The following UBASH3B variants were observed in gnomAD, a reference collection of about 807,000 sequenced individuals.
UBASH3B encodes the protein ubiquitin-associated and SH3 domain-containing protein B.
UBASH3B carries 37 observed loss-of-function variants against 83.4 expected under a neutral mutation model. That is an observed-to-expected ratio of 0.44 (90% CI 0.34 to 0.58). UBASH3B has a LOEUF of 0.58. Among genes scored for constraint, UBASH3B ranks in the 20% least tolerant of loss-of-function variants. UBASH3B has a pLI of 0.01. For missense variants in UBASH3B, 657 were observed against 827.2 expected, an observed-to-expected ratio of 0.79 and a Z score of 2.52; for synonymous variants, 304 against 318.3, an observed-to-expected ratio of 0.96 and a Z score of 0.48.
intron 1 of UBASH3B, among the ~76,000 whole-genome samples, chr11:122,763,626 C>T (rs182890428): frequency 1.4e-3 from 206 of 152,254 alleles, no homozygotes; most frequent in African/African-American, 4.6e-3. Context: ...ATGTCCCCAG[C>T]AGGCTTGCTA....
intron 1 of UBASH3B, among the ~76,000 whole-genome samples, chr11:122,716,385 G>T (rs57117628): frequency 6.6e-6 from 1 of 152,210 alleles, no homozygotes; most frequent in African/African-American, 2.4e-5. Context: ...ATGTTGCCCA[G>T]GCTGGGTTAT....
chr11:122,742,771 T>A (rs955736677), intron 1 of UBASH3B, among the ~76,000 whole-genome samples: 4 of 152,244 alleles, frequency 2.6e-5, no homozygotes, highest in African/African-American at 9.6e-5. Context: ...AGGGAAAAAC[T>A]GAAGTTCCGG....
At chr11:122,718,684 C>G (rs1007429633) in intron 1 of UBASH3B, among the ~76,000 whole-genome samples, 3 of 151,774 alleles carry the variant, frequency 2.0e-5, no homozygotes, top group African/African-American at 7.3e-5. Context: ...ATTGGAGCCC[C>G]AAAAAAGGGA....
intron 10 of UBASH3B, among the ~76,000 whole-genome samples, chr11:122,799,444 G>A (rs56104809): frequency 0.12 from 18,450 of 149,122 alleles, 1,251 homozygotes; most frequent in Admixed American, 0.23. Flanking sequence ...CCAAGATTGC[G>A]CCATTGCACT....
rs910258953 is a variant in UBASH3B, at chr11:122,730,307, C to T, written c.162-45912C>T. Among the ~76,000 whole-genome samples, 7 of 152,208 alleles carry T rather than the reference C, an allele frequency of 4.6e-5. No homozygotes were observed. The East Asian group carries it at 5.8e-4, about 13-fold the overall frequency. On this transcript the variant is annotated intron_variant, in intron 1 of 13. Coordinates refer to ENST00000284273, the MANE Select transcript of UBASH3B (RefSeq NM_032873.5). The stretch of plus-strand genomic sequence containing the variant: ...GGGTGTGGGTGACATCACACGGGTC[C>T]TTGAACAATTGCACTCACATTGTGG...
At chr11:122,671,055 A>C (rs931278508) in intron 1 of UBASH3B, among the ~76,000 whole-genome samples, 44 of 151,934 alleles carry the variant, frequency 2.9e-4, no homozygotes, top group African/African-American at 1.0e-3. Context: ...GAGCCACCAC[A>C]CCCTGCTAGA....
At position 122,739,067 on chromosome 11, in the gene UBASH3B, C is replaced by T. The variant is rs375480547; in HGVS notation, c.162-37152C>T. Reference sequence around the variant, plus strand: ...AGGCTGGAGTGTGGTGGCACGATCACGGCTTACTGCAGCCTCAAATTACAG... The same window carrying T: ...AGGCTGGAGTGTGGTGGCACGATCATGGCTTACTGCAGCCTCAAATTACAG... On this transcript the variant is annotated intron_variant, in intron 1 of 13. Transcript: ENST00000284273. Among the ~76,000 whole-genome samples the T allele has an allele frequency of 3.3e-5, 5 of 152,236 alleles. No homozygotes were observed. The East Asian group carries it at 5.8e-4, about 18-fold the overall frequency.
intron 1 of UBASH3B, among the ~76,000 whole-genome samples, chr11:122,705,760 T>TG (rs920616290): frequency 2.6e-5 from 4 of 152,160 alleles, no homozygotes; most frequent in African/African-American, 9.7e-5. Flanking sequence ...ATAGGGAGGC[T>TG]GGGGGGCTTT....
At chr11:122,750,434 G>A (rs1248405806) in intron 1 of UBASH3B, among the ~76,000 whole-genome samples, 1 of 152,322 alleles carries the variant, frequency 6.6e-6, no homozygotes, top group South Asian at 2.1e-4. Flanking sequence ...AACCCCCAAA[G>A]CTACAACAAC....
chr11:122,664,327 C>T (rs959738233), intron 1 of UBASH3B, among the ~76,000 whole-genome samples: 6 of 152,016 alleles, frequency 3.9e-5, no homozygotes, highest in Non-Finnish European at 8.8e-5. Context: ...AGACTCAAGC[C>T]TAAGAGAGAG....
intron 1 of UBASH3B, among the ~76,000 whole-genome samples, chr11:122,749,139 G>A (rs2135966427): frequency 6.6e-6 from 1 of 152,324 alleles, no homozygotes; most frequent in South Asian, 2.1e-4. Context: ...AAAGTACTCA[G>A]ATCGGATCCC....
chr11:122,789,949 A>G (rs1427855850), intron 6 of UBASH3B, among the ~76,000 whole-genome samples: 1 of 152,122 alleles, frequency 6.6e-6, no homozygotes, highest in Non-Finnish European at 1.5e-5. Context: ...CCATACTGGT[A>G]CCACATTCAG....
intron 1 of UBASH3B, among the ~76,000 whole-genome samples, chr11:122,763,304 C>A (rs2135978287): frequency 6.6e-6 from 1 of 152,242 alleles, no homozygotes; most frequent in South Asian, 2.1e-4. Flanking sequence ...AGTTCCAGCC[C>A]CTTTTTAGCG....
In UBASH3B at chr11:122,768,466, A is replaced by AGGTATGTGTG. The variant is rs745861229; in HGVS notation, c.162-7753_162-7752insGGTATGTGTG. 8.2e-3 allele frequency among the ~76,000 whole-genome samples: 1,055 copies of AGGTATGTGTG among 128,768 alleles called. 15 individuals carry two copies. The highest frequency in any genetic ancestry group is 0.019 in the Middle Eastern group (5 of 266). The allele number at this position is 128,768 out of a possible 152,430, so 84.5% of individuals were successfully genotyped here. A position where few individuals can be genotyped will look rare whatever the true frequency, so the allele number is the denominator to read the frequency against. On this transcript the variant is annotated intron_variant, in intron 1 of 13. Coordinates refer to ENST00000284273, the MANE Select transcript of UBASH3B (RefSeq NM_032873.5). ...AAAAAAGAAAAAGATAGAGATATAT[A>AGGTATGTGTG]TGTATGTGTGTGTGTGTGTGTGTGT...
At chr11:122,658,932 C>T (rs930314770) in intron 1 of UBASH3B, among the ~76,000 whole-genome samples, 17 of 152,208 alleles carry the variant, frequency 1.1e-4, no homozygotes, top group Admixed American at 5.2e-4. Flanking sequence ...GAAATCAAGG[C>T]ATCAGCAGGG....
intron 11 of UBASH3B, among the ~76,000 whole-genome samples, chr11:122,802,313 GAAA>G (rs147011358): frequency 0.078 from 5,153 of 65,908 alleles, 217 homozygotes; most frequent in East Asian, 0.34. Flanking sequence ...GACTCTGTCT[GAAA>G]AAAAAAAAAA....
chr11:122,734,254 G>C (rs943526693), intron 1 of UBASH3B, among the ~76,000 whole-genome samples: 1 of 152,200 alleles, frequency 6.6e-6, no homozygotes, highest in Non-Finnish European at 1.5e-5. Context: ...CACAGAAAAG[G>C]GGCTGATAGC....
intron 6 of UBASH3B, among the ~76,000 whole-genome samples, chr11:122,789,660 C>T (rs905072660): frequency 7.2e-5 from 11 of 152,108 alleles, no homozygotes; most frequent in African/African-American, 2.7e-4. Flanking sequence ...TCAGGGTGGT[C>T]TGATTTCCCG....
chr11:122,733,971 C>T lies in UBASH3B; in HGVS notation c.162-42248C>T, dbSNP rs187453361. Among the ~76,000 whole-genome samples, 74 of 152,180 alleles carry T rather than the reference C, an allele frequency of 4.9e-4. 1 individual carries two copies. The highest frequency in any genetic ancestry group is 1.3e-3 in the African/African-American group (55 of 41,510). Reference sequence around the variant, plus strand: ...CATGATCTCAGCTCACTGTAACCTCCGCCTCCTGTGTCCAAGCAATTCTCA... The same window carrying T: ...CATGATCTCAGCTCACTGTAACCTCTGCCTCCTGTGTCCAAGCAATTCTCA... On this transcript the variant is annotated intron_variant, in intron 1 of 13. Coordinates refer to ENST00000284273, the MANE Select transcript of UBASH3B (RefSeq NM_032873.5).
Sources: allele counts gnomAD v4.1 joint callset (sites outside exome capture counted in the v4.1 genomes callset), GRCh38; gene constraint gnomAD v4.1.1; transcripts MANE v1.5; gene names NCBI Gene and HGNC (gene_info 2026-07-23, HGNC 2026-07-21).